NOS1AP: variants seen among roughly 807,000 people sequenced by gnomAD.
NOS1AP encodes the protein nitric oxide synthase 1 adaptor protein.
NOS1AP carries 21 observed loss-of-function variants against 56.2 expected under a neutral mutation model. The ratio of observed to expected loss-of-function variants is 0.37; its 90% confidence interval spans 0.26 to 0.54. The LOEUF (loss-of-function observed/expected upper bound fraction) is 0.54, where lower values mean the gene tolerates loss of function less well. Ranked by LOEUF, NOS1AP falls within the 20% of genes least tolerant of loss-of-function variation. The pLI is 0.84. For synonymous variants in NOS1AP, 270 were observed against 274.6 expected (o/e 0.98, Z 0.17); for missense variants, 522 against 657.8 (o/e 0.79, Z 2.26).
chr1:162,219,092 GT>G (rs1334366925), intron 2 of NOS1AP, among the ~76,000 whole-genome samples: 2 of 151,958 alleles, frequency 1.3e-5, no homozygotes, highest in Non-Finnish European at 2.9e-5. Context: ...TTCCATCTGG[GT>G]TAGAATCTTC....
At chr1:162,345,160 T>C (rs1378508931) in intron 6 of NOS1AP, among the ~76,000 whole-genome samples, 1 of 152,220 alleles carries the variant, frequency 6.6e-6, no homozygotes, top group East Asian at 1.9e-4. Flanking sequence ...TTTCTTTTTT[T>C]CTTTTATTAT....
chr1:162,220,385 T>C (rs929427241), intron 2 of NOS1AP, among the ~76,000 whole-genome samples: 1 of 151,966 alleles, frequency 6.6e-6, no homozygotes, highest in Non-Finnish European at 1.5e-5. Context: ...AACATTTTAG[T>C]GGGAGAGGGA....
chr1:162,300,448 G>A (rs148809745), intron 3 of NOS1AP, among the ~76,000 whole-genome samples, 185 bp from the exon 4 acceptor site: 157 of 152,280 alleles, frequency 1.0e-3, no homozygotes, highest in African/African-American at 3.5e-3. Flanking sequence ...TAAAGTGCTT[G>A]GAGGAAACTG....
chr1:162,288,967 G>A (rs2101739721), intron 3 of NOS1AP, among the ~76,000 whole-genome samples: 1 of 152,284 alleles, frequency 6.6e-6, no homozygotes, highest in South Asian at 2.1e-4. Context: ...GAGTTCCTGA[G>A]CAGGACATCA....
chr1:162,324,097 G>C (rs1180029666), intron 4 of NOS1AP, among the ~76,000 whole-genome samples: 1 of 152,160 alleles, frequency 6.6e-6, no homozygotes, highest in Non-Finnish European at 1.5e-5. Context: ...AATATTTGTG[G>C]TGTGTTCATT....
intron 3 of NOS1AP, among the ~76,000 whole-genome samples, chr1:162,300,281 A>G (rs112499685): frequency 0.016 from 2,487 of 152,284 alleles, 33 homozygotes; most frequent in Middle Eastern, 0.038. Context: ...TTAGGTTTAC[A>G]GCCAGAATGA....
At chr1:162,294,756 G>C (rs1433652947) in intron 3 of NOS1AP, among the ~76,000 whole-genome samples, 1 of 152,170 alleles carries the variant, frequency 6.6e-6, no homozygotes, top group Admixed American at 6.5e-5. Flanking sequence ...AGCAGACGCG[G>C]AGGGCACAGG....
intron 2 of NOS1AP, among the ~76,000 whole-genome samples, chr1:162,182,143 C>G (rs1651284901): frequency 6.6e-6 from 1 of 152,178 alleles, no homozygotes; most frequent in Non-Finnish European, 1.5e-5. Context: ...GCTTTTTACT[C>G]AGAGGCCCAG....
intron 2 of NOS1AP, among the ~76,000 whole-genome samples, chr1:162,227,212 ATCTATT>A (rs1652974155): frequency 6.6e-6 from 1 of 152,100 alleles, no homozygotes; most frequent in African/African-American, 2.4e-5. Context: ...ATGTTGTTTA[ATCTATT>A]TCTATATACA....
intron 7 of NOS1AP, 21 bp from the exon 8 acceptor site, chr1:162,356,939 T>C: frequency 6.2e-7 from 1 of 1,614,002 alleles, no homozygotes; most frequent in Non-Finnish European, 8.5e-7. Context: ...TGTCATGTCC[T>C]GTCTTCTCCT....
intron 2 of NOS1AP, among the ~76,000 whole-genome samples, chr1:162,164,398 G>A (rs745311300): frequency 5.3e-5 from 8 of 152,142 alleles, no homozygotes; most frequent in Non-Finnish European, 8.8e-5. Context: ...TTAATCACTT[G>A]TAAGTGTACA....
chr1:162,070,389 G>A, intron 1 of NOS1AP, 107 bp downstream of exon 1: 2 of 883,880 alleles, frequency 2.3e-6, no homozygotes, highest in Non-Finnish European at 3.7e-6. Context: ...GGGCTAGGCC[G>A]ATTTGGGGGC....
rs755391142 is a variant in NOS1AP at position 162,367,086 on chromosome 1, C to A, written c.1140C>A (p.Phe380Leu). The A allele has an allele frequency of 6.4e-5, 104 of 1,613,882 alleles. No homozygotes were observed. Among genetic ancestry groups the A allele is most frequent in the Non-Finnish European group, 8.6e-5 (102 of 1,180,036 alleles). ...GSQDSLLEIT[F>L]RSGALPVLCD... ...AGGACAGCTTGCTGGAGATCACCTT[C>A]CGCTCCGGAGCCCTGCCCGTGCTCT... Residue 380 changes from phenylalanine (F) to leucine (L), a missense_variant, in exon 10 of 10, where the codon TTC becomes TTA. Around this residue, in one of 4 missense-constraint regions of NOS1AP, gnomAD observed 160 missense variants for 180.3 expected, o/e 0.89. Transcript: ENST00000361897. The surrounding 1 kb of genome is among the most constrained non-coding windows in gnomAD (Gnocchi z 6.5).
At chr1:162,157,184 C>A (rs1247272248) in intron 2 of NOS1AP, 1 of 154,220 alleles carries the variant, frequency 6.5e-6, no homozygotes, top group African/African-American at 2.4e-5. Context: ...ATCTGCCAGC[C>A]CTTATGGCCC....
intron 5 of NOS1AP, among the ~76,000 whole-genome samples, chr1:162,336,685 G>T (rs1656950112): frequency 6.6e-6 from 1 of 152,166 alleles, no homozygotes; most frequent in Non-Finnish European, 1.5e-5. Context: ...TCCTTCTCAG[G>T]CCAGGACTTT....
chr1:162,332,913 C>T (rs1470408809), intron 4 of NOS1AP, 104 bp from the exon 5 acceptor site: 4 of 821,118 alleles, frequency 4.9e-6, no homozygotes, highest in Non-Finnish European at 8.5e-6. Context: ...AATAACTTGG[C>T]TCTCATGAGC....
In NOS1AP at chr1:162,288,350, C is replaced by T. The variant is rs1655156805; in HGVS notation, c.270+914C>T. Among the ~76,000 whole-genome samples, 3 of 152,322 alleles carry T rather than the reference C, an allele frequency of 2.0e-5. No homozygotes were observed. The South Asian group carries it at 6.2e-4, about 32-fold the overall frequency. On this transcript the variant is annotated intron_variant, in intron 3 of 9. Transcript: ENST00000361897. The stretch of plus-strand genomic sequence containing the variant: ...TCCTGAGCTTATTTTGGTTCCAAAT[C>T]TCAGTCACTCTTAATTCAACTGGGA...
intron 2 of NOS1AP, among the ~76,000 whole-genome samples, chr1:162,164,117 C>T (rs532422919): frequency 1.4e-4 from 21 of 152,262 alleles, no homozygotes; most frequent in Admixed American, 1.2e-3. Context: ...TGAGTTTCCA[C>T]GGGAGGATTT....
At chr1:162,210,911 G>A (rs538320395) in intron 2 of NOS1AP, among the ~76,000 whole-genome samples, 2 of 152,324 alleles carry the variant, frequency 1.3e-5, no homozygotes, top group South Asian at 2.1e-4. Flanking sequence ...CTGAGCTCAC[G>A]GAGTCCGCAG....
Sources: gnomAD v4.1 joint callset for allele counts (sites outside exome capture counted in the v4.1 genomes callset) on GRCh38, gnomAD v4.1.1 for gene constraint, gnomAD v4.1.1 regional missense constraint, Gnocchi (gnomAD v3.1) non-coding constraint, MANE v1.5 for transcripts, NCBI Gene and HGNC (gene_info 2026-07-23, HGNC 2026-07-21) for gene names.